PRDM16: variants seen among roughly 807,000 people sequenced by gnomAD.
PRDM16 encodes the protein PR/SET domain 16.
In PRDM16, 23 loss-of-function variants were observed where a neutral mutation model predicts 110.6. The observed-to-expected ratio is 0.21, with a 90% CI of 0.15 to 0.29. The LOEUF (loss-of-function observed/expected upper bound fraction) is 0.29, where lower values mean the gene tolerates loss of function less well. PRDM16 is among the 10% of genes least tolerant of loss of function. The probability of loss-of-function intolerance (pLI) is 1.00; values close to 1 mark genes in which losing one functional copy is unlikely to be tolerated. For synonymous variants in PRDM16, 799 were observed against 781.8 expected (o/e 1.02, Z -0.37); for missense variants, 1,615 against 1,794.3 (o/e 0.90, Z 1.81).
At chr1:3,254,898 T>A (rs2100230592) in intron 3 of PRDM16, among the ~76,000 whole-genome samples, 1 of 152,332 alleles carries the variant, frequency 6.6e-6, no homozygotes, top group African/African-American at 2.4e-5. Context: ...GCTACCTGAC[T>A]TCAAACTATA....
chr1:3,364,030 C>CG (rs908499684), intron 3 of PRDM16, among the ~76,000 whole-genome samples: 8 of 151,916 alleles, frequency 5.3e-5, no homozygotes, highest in Non-Finnish European at 7.4e-5. Flanking sequence ...ATTTTGTCTG[C>CG]GGGGGGGAAG....
At chr1:3,113,436 A>G (rs755469031) in intron 1 of PRDM16, among the ~76,000 whole-genome samples, 3 of 146,982 alleles carry the variant, frequency 2.0e-5, no homozygotes, top group Non-Finnish European at 4.5e-5. Context: ...CAGGACCTGC[A>G]CTTACTAGGT....
At chr1:3,087,408 G>C (rs764868941) in intron 1 of PRDM16, among the ~76,000 whole-genome samples, 1 of 152,230 alleles carries the variant, frequency 6.6e-6, no homozygotes, top group Non-Finnish European at 1.5e-5. Flanking sequence ...AGGTGGACAG[G>C]AGTCCTGGAC....
intron 1 of PRDM16, among the ~76,000 whole-genome samples, chr1:3,155,576 C>CCGCG (rs1569709183): frequency 6.6e-6 from 1 of 152,278 alleles, no homozygotes; most frequent in Non-Finnish European, 1.5e-5. Context: ...AGCAGCGTTG[C>CCGCG]CGCGTCTCAC....
In PRDM16 at chr1:3,181,512, G is replaced by A. The variant is rs1427800963; in HGVS notation, c.38-4613G>A. ...CAGCCTTACGCATGGTCTTACACACGCAGTCTTACACAAGCGGTCTTACAC... is the reference window on the plus strand; with the variant it reads ...CAGCCTTACGCATGGTCTTACACACACAGTCTTACACAAGCGGTCTTACAC... On this transcript the variant is annotated intron_variant, in intron 1 of 16. Transcript: ENST00000270722. Among the ~76,000 whole-genome samples the A allele has an allele frequency of 8.7e-3, 257 of 29,672 alleles. 122 individuals are homozygous for A. Among genetic ancestry groups the A allele is most frequent in the Non-Finnish European group, 0.013 (189 of 14,400 alleles). The allele number at this position is 29,672 out of a possible 152,430, so 19.5% of individuals were successfully genotyped here.
chr1:3,196,691 C>T (rs1350802298), intron 2 of PRDM16, among the ~76,000 whole-genome samples: 4 of 152,190 alleles, frequency 2.6e-5, no homozygotes, highest in Admixed American at 6.5e-5. Flanking sequence ...TGAGAGTTCC[C>T]GGGGGAGGTC....
At position 3,252,969 on chromosome 1, in the gene PRDM16, C is replaced by T. The variant is rs151302351; in HGVS notation, c.438+8832C>T. ...ATGTGGCATTCCCCCTCCCTGGCTCCGACACCGGGCTGTCCTCTACCAAAC... is the reference window on the plus strand; with the variant it reads ...ATGTGGCATTCCCCCTCCCTGGCTCTGACACCGGGCTGTCCTCTACCAAAC... On this transcript the variant is annotated intron_variant, in intron 3 of 16. Transcript: ENST00000270722. Among the ~76,000 whole-genome samples, 980 of 152,196 alleles carry T rather than the reference C, an allele frequency of 6.4e-3. 11 individuals are homozygous for T. Among genetic ancestry groups the T allele is most frequent in the African/African-American group, 0.021 (881 of 41,518 alleles).
rs1469131310 is a variant in PRDM16 at position 3,137,671 on chromosome 1, C to T, written c.38-48454C>T. Among the ~76,000 whole-genome samples the T allele has an allele frequency of 1.2e-4, 18 of 152,340 alleles. No individual in the cohort carries two copies. The South Asian group carries it at 1.2e-3, about 11-fold the overall frequency. Reference sequence around the variant, plus strand: ...CTTCTCTGCGGCAAACCCCATCCCACGAAGGTGGGAGTCAGGTTTCCTACC... The same window carrying T: ...CTTCTCTGCGGCAAACCCCATCCCATGAAGGTGGGAGTCAGGTTTCCTACC... On this transcript the variant is annotated intron_variant, in intron 1 of 16. Transcript: ENST00000270722.
At chr1:3,137,946 T>G in intron 1 of PRDM16, among the ~76,000 whole-genome samples, 1 of 152,210 alleles carries the variant, frequency 6.6e-6, no homozygotes, top group East Asian at 1.9e-4. Flanking sequence ...TTGAGGCCAG[T>G]AGCTCTTGGA....
intron 2 of PRDM16, among the ~76,000 whole-genome samples, chr1:3,229,905 T>G (rs1639368063): frequency 6.6e-6 from 1 of 152,184 alleles, no homozygotes. Flanking sequence ...CTTGTTTCAG[T>G]GACTTGTTAG....
chr1:3,285,571 C>A (rs1165914115), intron 3 of PRDM16, among the ~76,000 whole-genome samples: 2 of 152,218 alleles, frequency 1.3e-5, no homozygotes, highest in Admixed American at 6.5e-5. Flanking sequence ...CTGTGACATG[C>A]TCGCTCGGGC....
chr1:3,349,073 A>C (rs991744111), intron 3 of PRDM16, among the ~76,000 whole-genome samples: 1 of 152,162 alleles, frequency 6.6e-6, no homozygotes, highest in Non-Finnish European at 1.5e-5. Flanking sequence ...GCTTTGTAAT[A>C]ATCACCATAA....
intron 2 of PRDM16, among the ~76,000 whole-genome samples, chr1:3,199,281 G>C (rs1376958182): frequency 2.9e-5 from 2 of 69,904 alleles, no homozygotes; most frequent in Admixed American, 2.7e-4. Context: ...CCCAAAGAGC[G>C]GTGGGGGTCT....
At chr1:3,182,127 G>C (rs945295314) in intron 1 of PRDM16, among the ~76,000 whole-genome samples, 2 of 152,340 alleles carry the variant, frequency 1.3e-5, no homozygotes, top group South Asian at 4.1e-4. Flanking sequence ...TGCCCAGTGG[G>C]GCCTGCAGGC....
At chr1:3,181,314 ACACAC>A (rs1569780709) in intron 1 of PRDM16, among the ~76,000 whole-genome samples, 60 of 137,230 alleles carry the variant, frequency 4.4e-4, no homozygotes, top group Middle Eastern at 4.1e-3. Flanking sequence ...ACACGGTCTT[ACACAC>A]GCAATCTTAC....
intron 1 of PRDM16, among the ~76,000 whole-genome samples, chr1:3,125,842 T>A (rs1643193755): frequency 6.6e-6 from 1 of 152,182 alleles, no homozygotes; most frequent in African/African-American, 2.4e-5. Context: ...ACTGGCCCGA[T>A]TCATTAAGGA....
chr1:3,151,303 C>T (rs149172248), intron 1 of PRDM16, among the ~76,000 whole-genome samples: 1 of 152,334 alleles, frequency 6.6e-6, no homozygotes, highest in East Asian at 1.9e-4. Context: ...TGGGGACGAG[C>T]AGGGTCCTTT....
Position 3,120,054 on chromosome 1 carries a change from A to G in PRDM16, c.37+50758A>G, listed in dbSNP as rs533292710. On this transcript the variant is annotated intron_variant, in intron 1 of 16. Coordinates refer to ENST00000270722, the MANE Select transcript of PRDM16 (RefSeq NM_022114.4). ...CGAGGCTGCTGGTGCCTCCTTGCTC[A>G]GGGGCAGGTGGAAGTGGTCAGTCTG... Among the ~76,000 whole-genome samples the G allele has an allele frequency of 1.4e-4, 19 of 137,980 alleles. No individual in the cohort carries two copies. In the South Asian group the frequency reaches 4.1e-3, roughly 30 times the overall value. 90.5% of individuals were successfully genotyped at this position (137,980 alleles called of 152,430 possible).
chr1:3,317,912 A>G (rs1278547870), intron 3 of PRDM16, among the ~76,000 whole-genome samples: 2 of 152,260 alleles, frequency 1.3e-5, no homozygotes, highest in Non-Finnish European at 2.9e-5. Flanking sequence ...GGTTACTGGC[A>G]CATTACATTA....
Sources: allele counts gnomAD v4.1 joint callset (sites outside exome capture counted in the v4.1 genomes callset), GRCh38; gene constraint gnomAD v4.1.1; transcripts MANE v1.5; gene names NCBI Gene and HGNC (gene_info 2026-07-23, HGNC 2026-07-21).